CSGALNACT1: variants seen among roughly 807,000 people sequenced by gnomAD.
The protein encoded by CSGALNACT1 is beta4GalNAcT-1.
Under a neutral mutation model 51.0 loss-of-function variants are expected in CSGALNACT1, and 52 were observed. The observed-to-expected ratio is 1.02, with a 90% CI of 0.82 to 1.29. The LOEUF is 1.29. CSGALNACT1 is among the 50% of genes most tolerant of loss of function. The pLI, the probability that CSGALNACT1 is intolerant of heterozygous loss-of-function variation, is 0.00. For synonymous variants in CSGALNACT1, 341 were observed against 254.4 expected (o/e 1.34, Z -3.24); for missense variants, 935 against 679.2 (o/e 1.38, Z -4.19).
chr8:19,468,111 G>C (rs1484473369), intron 4 of CSGALNACT1, among the ~76,000 whole-genome samples: 1 of 152,196 alleles, frequency 6.6e-6, no homozygotes, highest in African/African-American at 2.4e-5. Flanking sequence ...GTCTGCCCAT[G>C]GTATAAGGGA....
At chr8:19,640,799 G>GA (rs1252557387) in intron 1 of CSGALNACT1, among the ~76,000 whole-genome samples, 13 of 151,686 alleles carry the variant, frequency 8.6e-5, no homozygotes, top group African/African-American at 2.9e-4. Flanking sequence ...TTCTACACTT[G>GA]AAAAAAGATT....
At position 19,690,623 on chromosome 8, in the gene CSGALNACT1, G is replaced by C. The variant is rs549755845; in HGVS notation, c.-297+67227C>G. ...CTACATGAGAGGTTCAAATTTGCTT[G>C]ATCATAATAGAGCTGTTTAAAAATA... On this transcript the variant is annotated intron_variant, in intron 1 of 1. Transcript: ENST00000517494. Among the ~76,000 whole-genome samples the C allele has an allele frequency of 2.6e-5, 4 of 152,276 alleles. 1 individual carries two copies. The highest frequency in any genetic ancestry group is 6.8e-3 in the Middle Eastern group (2 of 294).
At chr8:19,606,949 A>C (rs1564244699), upstream of CSGALNACT1, among the ~76,000 whole-genome samples, 1 of 152,072 alleles carries the variant, frequency 6.6e-6, no homozygotes, top group Non-Finnish European at 1.5e-5. Context: ...AGGTCAGGAG[A>C]TCGAGATCAT....
intron 1 of CSGALNACT1, among the ~76,000 whole-genome samples, chr8:19,673,675 C>T (rs1399503657): frequency 4.6e-5 from 7 of 152,228 alleles, no homozygotes; most frequent in African/African-American, 1.7e-4. Flanking sequence ...GCTTCTACCA[C>T]GTGCTAATGT....
chr8:19,610,852 G>A (rs777350142), intron 1 of CSGALNACT1, among the ~76,000 whole-genome samples: 8 of 152,330 alleles, frequency 5.3e-5, no homozygotes, highest in Non-Finnish European at 1.2e-4. Context: ...GGATCTAACC[G>A]AGCAGGTTAA....
At chr8:19,696,962 T>C (rs535732993) in intron 1 of CSGALNACT1, among the ~76,000 whole-genome samples, 2 of 152,154 alleles carry the variant, frequency 1.3e-5, no homozygotes, top group Admixed American at 1.3e-4. Flanking sequence ...TGATTTGGTG[T>C]AGCTCAAAAG....
At chr8:19,686,532 G>C (rs1317154732), upstream of CSGALNACT1, among the ~76,000 whole-genome samples, 1 of 152,120 alleles carries the variant, frequency 6.6e-6, no homozygotes, top group African/African-American at 2.4e-5. Flanking sequence ...TCTGTGCCTA[G>C]GCAGAGCCAA....
intron 3 of CSGALNACT1, among the ~76,000 whole-genome samples, chr8:19,577,549 AC>A (rs1247101183): frequency 1.9e-5 from 2 of 103,856 alleles, no homozygotes; most frequent in Non-Finnish European, 3.9e-5. Context: ...TGACAGCAAG[AC>A]CCTATCTCAA....
At chr8:19,619,176 G>C (rs1353394305) in intron 1 of CSGALNACT1, among the ~76,000 whole-genome samples, 1 of 149,378 alleles carries the variant, frequency 6.7e-6, no homozygotes, top group African/African-American at 2.5e-5. Flanking sequence ...TCAAATCTGA[G>C]TCAGGAAGGG....
intron 4 of CSGALNACT1, among the ~76,000 whole-genome samples, chr8:19,480,071 T>C (rs1344026269): frequency 6.6e-6 from 1 of 152,256 alleles, no homozygotes; most frequent in Non-Finnish European, 1.5e-5. Flanking sequence ...TTGCCTTCCT[T>C]CTTAAATTCT....
At chr8:19,677,331 G>GA (rs1564407752) in intron 1 of CSGALNACT1, among the ~76,000 whole-genome samples, 1 of 152,138 alleles carries the variant, frequency 6.6e-6, no homozygotes, top group East Asian at 1.9e-4. Flanking sequence ...GGCTGGTCTT[G>GA]AAGTCCTGAC....
chr8:19,555,763 C>A (rs929256963), intron 3 of CSGALNACT1, among the ~76,000 whole-genome samples: 3 of 152,108 alleles, frequency 2.0e-5, no homozygotes, highest in Non-Finnish European at 4.4e-5. Flanking sequence ...TGAAATCTAT[C>A]GTCACCTTAA....
chr8:19,701,934 G>A (rs2061903621), intron 1 of CSGALNACT1, among the ~76,000 whole-genome samples: 1 of 152,104 alleles, frequency 6.6e-6, no homozygotes, highest in Non-Finnish European at 1.5e-5. Context: ...CAGCTTTGTT[G>A]ATTCATTAAT....
At chr8:19,628,521 G>T (rs1374198836) in intron 1 of CSGALNACT1, among the ~76,000 whole-genome samples, 1 of 152,246 alleles carries the variant, frequency 6.6e-6, no homozygotes, top group Non-Finnish European at 1.5e-5. Flanking sequence ...AGTGTTCACT[G>T]CATTTTACAG....
intron 1 of CSGALNACT1, among the ~76,000 whole-genome samples, chr8:19,687,971 C>T (rs2061070597): frequency 6.6e-6 from 1 of 152,196 alleles, no homozygotes. Context: ...TAATCAGTTT[C>T]TTACATCCGT....
intron 1 of CSGALNACT1, among the ~76,000 whole-genome samples, chr8:19,697,465 C>T (rs529193116): frequency 1.1e-4 from 16 of 152,212 alleles, no homozygotes; most frequent in African/African-American, 1.2e-4. Context: ...CACATTAGCA[C>T]CTGGGGAAAG....
chr8:19,610,384 C>A (rs999455878), intron 1 of CSGALNACT1, among the ~76,000 whole-genome samples: 1 of 151,630 alleles, frequency 6.6e-6, no homozygotes, highest in African/African-American at 2.4e-5. Flanking sequence ...CCAACCCCCA[C>A]GGACCTCGGT....
chr8:19,579,241 G>A (rs1325338023), intron 3 of CSGALNACT1, among the ~76,000 whole-genome samples: 6 of 152,250 alleles, frequency 3.9e-5, no homozygotes, highest in South Asian at 4.1e-4. Flanking sequence ...TTCAGCTCAC[G>A]TCACTTTCCT....
intron 4 of CSGALNACT1, among the ~76,000 whole-genome samples, chr8:19,485,033 A>C (rs772241003): frequency 6.6e-6 from 1 of 152,132 alleles, no homozygotes; most frequent in African/African-American, 2.4e-5. Context: ...AGTGGGTGAG[A>C]AAATAAACTT....
Sources: gnomAD v4.1 joint callset for allele counts (sites outside exome capture counted in the v4.1 genomes callset) on GRCh38, gnomAD v4.1.1 for gene constraint, MANE v1.5 for transcripts, NCBI Gene and HGNC (gene_info 2026-07-23, HGNC 2026-07-21) for gene names.